Variants in ST3GAL3 observed in about 807,000 individuals in gnomAD.
ST3GAL3 encodes ST3 beta-galactoside alpha-2,3-sialyltransferase 3.
A neutral mutation model predicts 50.1 loss-of-function variants in ST3GAL3; 21 were observed. The observed-to-expected ratio is 0.42, with a 90% CI of 0.30 to 0.60. ST3GAL3 has a LOEUF of 0.60. Among genes scored for constraint, ST3GAL3 ranks in the 20% least tolerant of loss-of-function variants. The probability of loss-of-function intolerance (pLI) is 0.19; values close to 1 mark genes in which losing one functional copy is unlikely to be tolerated. For synonymous variants in ST3GAL3, 183 were observed against 190.0 expected (o/e 0.96, Z 0.30); for missense variants, 353 against 489.4 (o/e 0.72, Z 2.63).
At chr1:43,746,163 AT>A (rs1683548385) in intron 2 of ST3GAL3, among the ~76,000 whole-genome samples, 2 of 152,236 alleles carry the variant, frequency 1.3e-5, no homozygotes, top group Admixed American at 1.3e-4. Flanking sequence ...AAGGAAGGAA[AT>A]TTTGACACAT....
At chr1:43,828,286 A>G (rs2063087198) in intron 4 of ST3GAL3, among the ~76,000 whole-genome samples, 1 of 152,234 alleles carries the variant, frequency 6.6e-6, no homozygotes, top group African/African-American at 2.4e-5. Flanking sequence ...AAAACCTGAA[A>G]CTATAATAAA....
intron 2 of ST3GAL3, among the ~76,000 whole-genome samples, chr1:43,778,644 CTT>C (rs35726867): frequency 4.6e-3 from 542 of 118,670 alleles, no homozygotes; most frequent in African/African-American, 0.011. Context: ...TTCTTTTTTT[CTT>C]TTTTTTTTTT....
chr1:43,830,760 G>C (rs1186437816), intron 4 of ST3GAL3, among the ~76,000 whole-genome samples: 1 of 152,166 alleles, frequency 6.6e-6, no homozygotes, highest in African/African-American at 2.4e-5. Flanking sequence ...TGTTTTAGTG[G>C]CCCTCCCTTT....
chr1:43,928,130 A>C (rs1172630753), intron 11 of ST3GAL3, among the ~76,000 whole-genome samples: 3 of 152,244 alleles, frequency 2.0e-5, no homozygotes, highest in African/African-American at 7.2e-5. Context: ...AGAGCAAGCC[A>C]TAAGTTCTTT....
intron 4 of ST3GAL3, among the ~76,000 whole-genome samples, chr1:43,822,603 A>G (rs1558461346): frequency 1.3e-5 from 2 of 152,206 alleles, no homozygotes; most frequent in African/African-American, 2.4e-5. Context: ...TGAGTTTAAC[A>G]CTTCTAAAAC....
chr1:43,801,346 C>T (rs1558357638), intron 3 of ST3GAL3: 1 of 456,244 alleles, frequency 2.2e-6, no homozygotes, highest in South Asian at 1.5e-5. Context: ...GTGGGTCACT[C>T]ACAACGGAAA....
intron 5 of ST3GAL3, chr1:43,850,786 G>A (rs1199375759): frequency 1.7e-5 from 15 of 878,832 alleles, no homozygotes; most frequent in East Asian, 4.8e-5. Flanking sequence ...TCAAATTCCA[G>A]AGTCATAGCT....
In ST3GAL3 at chr1:43,899,770, C is replaced by G. The variant is rs1263543234; in HGVS notation, c.744+43C>G. ...CAGCTTCTTCCCCTCTTGCCCTGGG[C>G]TTCCGCAACTCCTAAGCAATCCCGC... On this transcript the variant is annotated intron_variant, in intron 9 of 11. Transcript: ENST00000347631. The surrounding 1 kb of genome is among the most constrained non-coding windows in gnomAD (Gnocchi z 5.4). 2 of 1,570,648 alleles carry G rather than the reference C, an allele frequency of 1.3e-6. No individual in the cohort carries two copies. The highest frequency in any genetic ancestry group is 1.7e-5 in the Admixed American group (1 of 59,712).
intron 1 of ST3GAL3, among the ~76,000 whole-genome samples, chr1:43,717,563 G>T (rs1260520226): frequency 6.7e-6 from 1 of 150,366 alleles, no homozygotes; most frequent in African/African-American, 2.5e-5. Flanking sequence ...CAGGGGTGCA[G>T]TTACAGCTAC....
At chr1:43,862,120 G>A (rs2070138663) in intron 5 of ST3GAL3, among the ~76,000 whole-genome samples, 1 of 152,038 alleles carries the variant, frequency 6.6e-6, no homozygotes, top group South Asian at 2.1e-4. Context: ...AGTCTCTGCT[G>A]AGAGAACTGC....
intron 5 of ST3GAL3, among the ~76,000 whole-genome samples, chr1:43,856,717 T>G (rs957831296): frequency 6.6e-6 from 1 of 152,188 alleles, no homozygotes; most frequent in African/African-American, 2.4e-5. Context: ...CCCACCAATT[T>G]TTTTTCATAT....
At chr1:43,928,277 T>C (rs1279059206) in intron 11 of ST3GAL3, among the ~76,000 whole-genome samples, 4 of 152,148 alleles carry the variant, frequency 2.6e-5, no homozygotes, top group African/African-American at 9.7e-5. Flanking sequence ...TGCATCCAGC[T>C]CACTTCTCAG....
chr1:43,905,435 G>C (rs148773406), intron 9 of ST3GAL3, among the ~76,000 whole-genome samples: 616 of 24,300 alleles, frequency 0.025, no homozygotes, highest in Middle Eastern at 0.048. Flanking sequence ...CCTCCCCCTC[G>C]TCCTGCTCCT....
rs557603596 is a variant in ST3GAL3 at position 43,783,171 on chromosome 1, C to T, written c.119-8931C>T. On this transcript the variant is annotated intron_variant, in intron 2 of 11. Transcript: ENST00000347631. ...ACATAGTGGGAAAAACAGTGGAGCCCGGATTAGCACCATGGTGGCCTGGTT... is the reference window on the plus strand; with the variant it reads ...ACATAGTGGGAAAAACAGTGGAGCCTGGATTAGCACCATGGTGGCCTGGTT... 4.7e-4 allele frequency among the ~76,000 whole-genome samples: 71 copies of T among 152,274 alleles called. 1 individual carries two copies. The highest frequency in any genetic ancestry group is 1.4e-3 in the African/African-American group (58 of 41,544).
rs1163674724 is a variant in ST3GAL3, at chr1:43,844,833, A to C, written c.302+6522A>C. ...CATAGCAAGACTCCGTCTAAAAAAA[A>C]AAAAAAAGACTAGATATTAGAACAA... On this transcript the variant is annotated intron_variant, in intron 5 of 11. Transcript: ENST00000347631. Among the ~76,000 whole-genome samples, 4 of 152,238 alleles carry C rather than the reference A, an allele frequency of 2.6e-5. No homozygotes were observed. In the East Asian group the frequency reaches 7.7e-4, roughly 29 times the overall value.
chr1:43,791,011 A>C (rs1354261), intron 2 of ST3GAL3, among the ~76,000 whole-genome samples: 125,328 of 152,106 alleles, frequency 0.82, 52,287 homozygotes, highest in East Asian at 0.92. Context: ...ATGTTTTGGT[A>C]TTTCAGTTGC....
chr1:43,736,946 A>G (rs1056339765), intron 2 of ST3GAL3: 2 of 227,046 alleles, frequency 8.8e-6, no homozygotes, highest in African/African-American at 4.7e-5. Flanking sequence ...CTCTTTGTGC[A>G]CTTTGTCTCA....
intron 2 of ST3GAL3, among the ~76,000 whole-genome samples, chr1:43,759,069 A>G (rs780413605): frequency 0.025 from 1,706 of 68,304 alleles, 9 homozygotes; most frequent in Non-Finnish European, 0.039. Context: ...GCGCGCGCAC[A>G]CACACACACA....
chr1:43,821,148 T>C (rs563907180), intron 4 of ST3GAL3, among the ~76,000 whole-genome samples: 44 of 152,296 alleles, frequency 2.9e-4, no homozygotes, highest in South Asian at 1.0e-3. Context: ...GGAAAGGCTA[T>C]CCTGCGAGCT....
Sources: gnomAD v4.1 joint callset for allele counts (sites outside exome capture counted in the v4.1 genomes callset) on GRCh38, gnomAD v4.1.1 for gene constraint, Gnocchi (gnomAD v3.1) non-coding constraint, MANE v1.5 for transcripts, NCBI Gene and HGNC (gene_info 2026-07-23, HGNC 2026-07-21) for gene names.